The following ASIC2 variants were observed in gnomAD, a reference collection of about 807,000 sequenced individuals.
ASIC2 encodes acid-sensing ion channel 2.
A neutral mutation model predicts 57.3 loss-of-function variants in ASIC2; 25 were observed. The ratio of observed to expected loss-of-function variants is 0.44; its 90% confidence interval spans 0.32 to 0.61. ASIC2 has a LOEUF of 0.61. Ranked by LOEUF, ASIC2 falls within the 20% of genes least tolerant of loss-of-function variation. The pLI is 0.06. For missense variants in ASIC2, 641 were observed against 738.1 expected, an observed-to-expected ratio of 0.87 and a Z score of 1.52; for synonymous variants, 319 against 307.5, an observed-to-expected ratio of 1.04 and a Z score of -0.39.
chr17:33,206,525 A>C (rs1907067063), intron 1 of ASIC2, among the ~76,000 whole-genome samples: 1 of 152,192 alleles, frequency 6.6e-6, no homozygotes, highest in African/African-American at 2.4e-5. Flanking sequence ...GGGATTTCTT[A>C]CTGATGAATT....
chr17:33,663,730 G>C (rs1210324924), intron 1 of ASIC2, among the ~76,000 whole-genome samples: 1 of 152,142 alleles, frequency 6.6e-6, no homozygotes, highest in African/African-American at 2.4e-5. Context: ...ACAAGGGAAA[G>C]ACTTGCCAAC....
chr17:33,113,023 C>G (rs1482682014), intron 1 of ASIC2, among the ~76,000 whole-genome samples: 1 of 152,156 alleles, frequency 6.6e-6, no homozygotes, highest in Non-Finnish European at 1.5e-5. Context: ...ACTCCAGGGG[C>G]TCAGTGACTA....
intron 1 of ASIC2, chr17:33,689,043 A>G (rs1908283202): frequency 6.6e-6 from 1 of 152,236 alleles, no homozygotes; most frequent in African/African-American, 2.4e-5. Flanking sequence ...CTGACTGTAC[A>G]TGCAAGCAAA....
At chr17:33,902,472 T>A (rs142383732) in intron 1 of ASIC2, among the ~76,000 whole-genome samples, 1 of 152,328 alleles carries the variant, frequency 6.6e-6, no homozygotes, top group East Asian at 1.9e-4. Context: ...TGTTTTAAAG[T>A]AGATATCAAA....
chr17:33,949,568 A>G (rs1199661749), intron 1 of ASIC2, among the ~76,000 whole-genome samples: 1 of 152,256 alleles, frequency 6.6e-6, no homozygotes, highest in Non-Finnish European at 1.5e-5. Context: ...CCAAGGAATC[A>G]AAAGAATTGA....
intron 1 of ASIC2, among the ~76,000 whole-genome samples, chr17:33,613,602 T>C (rs7213780): frequency 0.51 from 77,717 of 151,850 alleles, 20,418 homozygotes; most frequent in African/African-American, 0.62. Flanking sequence ...CTCCTGACCT[T>C]GTGATCAGCC....
intron 1 of ASIC2, among the ~76,000 whole-genome samples, chr17:33,871,517 G>A (rs967968281): frequency 1.1e-4 from 16 of 152,226 alleles, no homozygotes; most frequent in Admixed American, 3.9e-4. Context: ...GGCAGGGAGC[G>A]GCTAGGAAGG....
intron 1 of ASIC2, among the ~76,000 whole-genome samples, chr17:33,996,453 T>G (rs988538651): frequency 1.3e-5 from 2 of 152,222 alleles, no homozygotes; most frequent in Non-Finnish European, 2.9e-5. Context: ...GCTTTTTTCC[T>G]ATGTTTTCTT....
At chr17:33,093,153 A>C (rs2092164375) in intron 2 of ASIC2, among the ~76,000 whole-genome samples, 1 of 152,232 alleles carries the variant, frequency 6.6e-6, no homozygotes, top group African/African-American at 2.4e-5. Flanking sequence ...AATGTTGTTA[A>C]AAATTTATAA....
rs181303603 is a variant in ASIC2, at chr17:33,355,423, A to C, written c.556-243356T>G. 9.7e-5 allele frequency among the ~76,000 whole-genome samples: 14 copies of C among 144,452 alleles called. No individual in the cohort carries two copies. The East Asian group carries it at 3.6e-3, about 37-fold the overall frequency. The allele number at this position is 144,452 out of a possible 152,430, so 94.8% of individuals were successfully genotyped here. On this transcript the variant is annotated intron_variant, in intron 1 of 9. Transcript: ENST00000359872. Reference sequence around the variant, plus strand: ...CAGTCTGGGGGTCAAAGCCCATCTGAGCAAAAAACAGTAAAGCAGTGCCTA... The same window carrying C: ...CAGTCTGGGGGTCAAAGCCCATCTGCGCAAAAAACAGTAAAGCAGTGCCTA...
At chr17:33,077,136 C>G (rs1312906174) in intron 3 of ASIC2, among the ~76,000 whole-genome samples, 1 of 151,962 alleles carries the variant, frequency 6.6e-6, no homozygotes, top group African/African-American at 2.4e-5. Flanking sequence ...CTGCTTGTCC[C>G]TTCTGTGGTC....
chr17:33,849,663 A>G (rs1455532337), intron 1 of ASIC2, among the ~76,000 whole-genome samples: 1 of 152,172 alleles, frequency 6.6e-6, no homozygotes, highest in Non-Finnish European at 1.5e-5. Context: ...AACCAAGTGA[A>G]GAAAGGGGAA....
intron 1 of ASIC2, among the ~76,000 whole-genome samples, chr17:33,455,747 G>A (rs771842870): frequency 6.6e-6 from 1 of 152,214 alleles, no homozygotes; most frequent in Admixed American, 6.5e-5. Context: ...ACAGGTAAAT[G>A]GGGTTTCATT....
At chr17:33,483,285 C>G (rs955113732) in intron 1 of ASIC2, among the ~76,000 whole-genome samples, 1 of 152,214 alleles carries the variant, frequency 6.6e-6, no homozygotes, top group Non-Finnish European at 1.5e-5. Context: ...TCCATTGCTC[C>G]TTTGATTGCA....
chr17:34,078,936 A>C (rs1909773129), intron 1 of ASIC2: 1 of 152,150 alleles, frequency 6.6e-6, no homozygotes. Context: ...GATAACTGAA[A>C]CTTCCCTGCC....
intron 1 of ASIC2, among the ~76,000 whole-genome samples, chr17:33,446,919 A>T (rs1912043440): frequency 1.3e-5 from 2 of 152,200 alleles, no homozygotes; most frequent in Admixed American, 1.3e-4. Flanking sequence ...AACAATAATT[A>T]TCTGCCTAAG....
intron 1 of ASIC2, among the ~76,000 whole-genome samples, chr17:34,024,503 C>G (rs1907299532): frequency 6.6e-6 from 1 of 152,230 alleles, no homozygotes; most frequent in Non-Finnish European, 1.5e-5. Flanking sequence ...GCATTAGCAA[C>G]TTTGGGCTGT....
At chr17:34,115,229 A>C (rs890976343) in intron 1 of ASIC2, among the ~76,000 whole-genome samples, 1 of 152,232 alleles carries the variant, frequency 6.6e-6, no homozygotes, top group Non-Finnish European at 1.5e-5. Flanking sequence ...CCTGTCAACA[A>C]TTAGAGCATG....
intron 1 of ASIC2, among the ~76,000 whole-genome samples, chr17:33,135,160 C>G (rs745904816): frequency 6.6e-6 from 1 of 152,174 alleles, no homozygotes; most frequent in Non-Finnish European, 1.5e-5. Flanking sequence ...CTGCTGCCCT[C>G]ATGAACGTCC....
Sources: gnomAD v4.1 joint callset for allele counts (sites outside exome capture counted in the v4.1 genomes callset) on GRCh38, gnomAD v4.1.1 for gene constraint, MANE v1.5 for transcripts, NCBI Gene and HGNC (gene_info 2026-07-23, HGNC 2026-07-21) for gene names.